The following AGO2 variants were observed in gnomAD, a reference collection of about 807,000 sequenced individuals.
AGO2 encodes argonaute RISC catalytic component 2.
A neutral mutation model predicts 102.3 loss-of-function variants in AGO2; 5 were observed. The observed-to-expected ratio is 0.05, with a 90% CI of 0.03 to 0.10. The LOEUF is 0.10. AGO2 is among the 10% of genes least tolerant of loss of function. The probability of loss-of-function intolerance (pLI) is 1.00; values close to 1 mark genes in which losing one functional copy is unlikely to be tolerated. For missense variants in AGO2, 541 were observed against 1,183.7 expected, an observed-to-expected ratio of 0.46 and a Z score of 7.97; for synonymous variants, 449 against 473.1, an observed-to-expected ratio of 0.95 and a Z score of 0.66.
At chr8:140,544,695 T>C (rs1490715612) in intron 13 of AGO2, among the ~76,000 whole-genome samples, 1 of 152,204 alleles carries the variant, frequency 6.6e-6, no homozygotes, top group Non-Finnish European at 1.5e-5. Context: ...GCTCGCTCTT[T>C]GTTGGGGTAG....
rs2073716267 is a variant in AGO2, at chr8:140,589,584, T to C, written c.23-4273A>G. Among the ~76,000 whole-genome samples the C allele has an allele frequency of 6.6e-6, 1 of 152,216 alleles. No individual in the cohort carries two copies. The highest frequency in any genetic ancestry group is 1.5e-5 in the Non-Finnish European group (1 of 68,042). On this transcript the variant is annotated intron_variant, in intron 1 of 18. Transcript: ENST00000220592. The surrounding 1 kb of genome is among the most constrained non-coding windows in gnomAD (Gnocchi z 4.2). ...AGTGAGTCATTATTCAAAGCCATGCTTCCCGATGGTCCTCCTAGAACTCTG... is the reference window on the plus strand; with the variant it reads ...AGTGAGTCATTATTCAAAGCCATGCCTCCCGATGGTCCTCCTAGAACTCTG...
chr8:140,618,103 A>T (rs1588510267), intron 1 of AGO2, among the ~76,000 whole-genome samples: 4 of 152,006 alleles, frequency 2.6e-5, no homozygotes. Context: ...GGAGTTCGAG[A>T]CCAGCCTGGC....
chr8:140,541,121 C>T, intron 15 of AGO2, 43 bp downstream of exon 15: 1 of 1,488,292 alleles, frequency 6.7e-7, no homozygotes. Flanking sequence ...AGGTGAATTA[C>T]AGACCCCAGA....
At chr8:140,609,495 G>T (rs1377430678) in intron 1 of AGO2, among the ~76,000 whole-genome samples, 1 of 152,232 alleles carries the variant, frequency 6.6e-6, no homozygotes, top group African/African-American at 2.4e-5. Flanking sequence ...CCCGTGCACT[G>T]CTCCCGCACC....
intron 10 of AGO2, among the ~76,000 whole-genome samples, chr8:140,551,700 G>A (rs1352647311): frequency 6.6e-6 from 1 of 151,334 alleles, no homozygotes; most frequent in South Asian, 2.1e-4. Flanking sequence ...TTGATGGGTC[G>A]GTGGATAGTT....
chr8:140,521,859 T>C lies in AGO2; in HGVS notation c.*10185A>G, dbSNP rs981084264. ...CAGAGGAAGAGGGGGCATGAATGGC[T>C]AGAAAAGCAATGATGAGGGTACTTG... On this transcript the variant is annotated 3_prime_UTR_variant, in exon 19 of 19. Transcript: ENST00000220592. 1 of 152,230 alleles carries C rather than the reference T, an allele frequency of 6.6e-6. No homozygotes were observed. 9.4% of individuals were successfully genotyped at this position (152,230 alleles called of 1,614,324 possible).
chr8:140,607,493 TATATATATATATATATATATATACACAC>T (rs2074017943), intron 1 of AGO2, among the ~76,000 whole-genome samples: 1 of 11,316 alleles, frequency 8.8e-5, no homozygotes, highest in African/African-American at 3.3e-4. Context: ...TATATATATA[TATATATATATATATATATATATACACAC>T]ACACACACGT....
chr8:140,583,882 T>G (rs190261194), intron 2 of AGO2, among the ~76,000 whole-genome samples: 1 of 151,568 alleles, frequency 6.6e-6, no homozygotes, highest in Non-Finnish European at 1.5e-5. Flanking sequence ...AAAGAAAAAA[T>G]AAAAAAATCT....
rs149348298 is a variant in AGO2, at chr8:140,580,695, A to C, written c.215+4424T>G. Among the ~76,000 whole-genome samples the C allele has an allele frequency of 2.6e-3, 393 of 152,336 alleles. 2 individuals are homozygous for C. The highest frequency in any genetic ancestry group is 9.3e-3 in the African/African-American group (387 of 41,576). On this transcript the variant is annotated intron_variant, in intron 2 of 18. Coordinates refer to ENST00000220592, the MANE Select transcript of AGO2 (RefSeq NM_012154.5). ...TCTCAGGAAGGTGGGTCATGGGAGG[A>C]GGCAGGAGGTAGGCCAGGGCTCCCA...
intron 2 of AGO2, among the ~76,000 whole-genome samples, chr8:140,574,752 G>C (rs1240392859): frequency 6.6e-6 from 1 of 152,190 alleles, no homozygotes; most frequent in African/African-American, 2.4e-5. Flanking sequence ...CTCAGGGGAT[G>C]TGGTAAAGAG....
At chr8:140,580,667 G>T (rs1249080483) in intron 2 of AGO2, among the ~76,000 whole-genome samples, 1 of 152,260 alleles carries the variant, frequency 6.6e-6, no homozygotes, top group East Asian at 1.9e-4. Context: ...TGTGAGCGGG[G>T]GGTCTCAGGA....
At chr8:140,548,415 T>C (rs954968816) in intron 12 of AGO2, among the ~76,000 whole-genome samples, 4 of 151,304 alleles carry the variant, frequency 2.6e-5, no homozygotes, top group African/African-American at 9.7e-5. Context: ...ATAAAAACAC[T>C]GGCACCCTCC....
intron 2 of AGO2, 150 bp downstream of exon 2, chr8:140,584,969 T>C (rs1346473487): frequency 3.1e-5 from 21 of 671,750 alleles, no homozygotes; most frequent in Non-Finnish European, 4.4e-5. Context: ...GGTTTGACTC[T>C]GAAAAACTGT....
chr8:140,631,644 G>A (rs370312793), intron 1 of AGO2, among the ~76,000 whole-genome samples: 30 of 152,332 alleles, frequency 2.0e-4, no homozygotes, highest in African/African-American at 6.7e-4. Flanking sequence ...ACCCAAATGT[G>A]TGTGTGAACT....
At chr8:140,552,730 GCGCGCGCGCGCACACACACACACA>G (rs1212803008) in intron 10 of AGO2, among the ~76,000 whole-genome samples, 1 of 112,306 alleles carries the variant, frequency 8.9e-6, no homozygotes, top group Non-Finnish European at 1.8e-5. Flanking sequence ...GCACATGCAC[GCGCGCGCGCGCACACACACACACA>G]CACACACACA....
At chr8:140,556,466 A>C (rs2073095893) in intron 8 of AGO2, among the ~76,000 whole-genome samples, 180 bp from the exon 9 acceptor site, 1 of 152,068 alleles carries the variant, frequency 6.6e-6, no homozygotes, top group South Asian at 2.1e-4. Flanking sequence ...TCCGCTTCAC[A>C]ACAGAAATGC....
Position 140,583,262 on chromosome 8 carries a change from G to A in AGO2, c.215+1857C>T, listed in dbSNP as rs754624244. Among the ~76,000 whole-genome samples the A allele has an allele frequency of 9.9e-4, 150 of 152,166 alleles. 3 individuals carry two copies. Among genetic ancestry groups the A allele is most frequent in the Non-Finnish European group, 2.1e-4 (14 of 68,034 alleles). On this transcript the variant is annotated intron_variant, in intron 2 of 18. Transcript: ENST00000220592. ...GGCTTTCAGACTTGGCCTGAGCCCCGCTACTGACACTCCAGGGTCTCCAGC... is the reference window on the plus strand; with the variant it reads ...GGCTTTCAGACTTGGCCTGAGCCCCACTACTGACACTCCAGGGTCTCCAGC...
chr8:140,552,761 C>T (rs1390917305), intron 10 of AGO2, among the ~76,000 whole-genome samples: 6 of 151,642 alleles, frequency 4.0e-5, no homozygotes, highest in Non-Finnish European at 8.8e-5. Context: ...CACACACACA[C>T]ACACACACAC....
chr8:140,546,682 G>A (rs2072907207), intron 13 of AGO2, among the ~76,000 whole-genome samples: 1 of 152,220 alleles, frequency 6.6e-6, no homozygotes, highest in Admixed American at 6.5e-5. Flanking sequence ...GGCTGCCTAT[G>A]GCCTCCAGTT....
Sources: gnomAD v4.1 joint callset for allele counts (sites outside exome capture counted in the v4.1 genomes callset) on GRCh38, gnomAD v4.1.1 for gene constraint, Gnocchi (gnomAD v3.1) non-coding constraint, MANE v1.5 for transcripts, NCBI Gene and HGNC (gene_info 2026-07-23, HGNC 2026-07-21) for gene names.